Variants in DISC1 observed in about 807,000 individuals in gnomAD.
DISC1 encodes DISC1 scaffold protein.
Under a neutral mutation model 84.5 loss-of-function variants are expected in DISC1, and 57 were observed. That is an observed-to-expected ratio of 0.67 (90% CI 0.55 to 0.84). The LOEUF is 0.84. Ranked by LOEUF, DISC1 falls within the 40% of genes least tolerant of loss-of-function variation. The pLI is 0.00. For synonymous variants in DISC1, 411 were observed against 415.2 expected (o/e 0.99, Z 0.12); for missense variants, 1,000 against 1,057.8 (o/e 0.95, Z 0.76).
At chr1:231,850,490 G>A (rs2083815082) in intron 9 of DISC1, among the ~76,000 whole-genome samples, 1 of 152,228 alleles carries the variant, frequency 6.6e-6, no homozygotes, top group Non-Finnish European at 1.5e-5. Flanking sequence ...CCCGAGTTGT[G>A]CGGAGCACAA....
chr1:231,684,968 A>G (rs2064082928), intron 1 of DISC1: 3 of 152,250 alleles, frequency 2.0e-5, no homozygotes, highest in Admixed American at 6.5e-5. Flanking sequence ...AAATGCCCCA[A>G]CAGGGTAGAG....
chr1:231,957,331 C>G (rs1572340650), intron 9 of DISC1, among the ~76,000 whole-genome samples: 1 of 152,298 alleles, frequency 6.6e-6, no homozygotes, highest in East Asian at 1.9e-4. Flanking sequence ...CCCAGTGATG[C>G]CTTCCCTGAC....
At chr1:231,635,071 C>T (rs2125120654) in intron 1 of DISC1, among the ~76,000 whole-genome samples, 1 of 152,184 alleles carries the variant, frequency 6.6e-6, no homozygotes, top group Admixed American at 6.5e-5. Flanking sequence ...GGTGTTCCAG[C>T]CCTTCCTGTG....
At chr1:231,879,184 G>A (rs951744975) in intron 9 of DISC1, among the ~76,000 whole-genome samples, 2 of 151,568 alleles carry the variant, frequency 1.3e-5, no homozygotes, top group African/African-American at 4.9e-5. Context: ...GCTCCAATTA[G>A]CATTTCCTTT....
chr1:231,935,696 A>C (rs1353248871), intron 9 of DISC1, among the ~76,000 whole-genome samples: 1 of 152,188 alleles, frequency 6.6e-6, no homozygotes, highest in East Asian at 1.9e-4. Context: ...CACATTTACA[A>C]TTGCCCTTGA....
chr1:232,012,636 A>C (rs1015659075), intron 11 of DISC1, among the ~76,000 whole-genome samples: 2 of 152,218 alleles, frequency 1.3e-5, no homozygotes, highest in Non-Finnish European at 2.9e-5. Flanking sequence ...CTTCCATGAA[A>C]AATTACTGAC....
At chr1:231,725,701 C>A (rs1279878394) in intron 3 of DISC1, among the ~76,000 whole-genome samples, 1 of 152,238 alleles carries the variant, frequency 6.6e-6, no homozygotes, top group Non-Finnish European at 1.5e-5. Flanking sequence ...AAGAACCTTC[C>A]TGGGATAAGC....
chr1:231,950,631 AT>A (rs1248593108), intron 9 of DISC1, among the ~76,000 whole-genome samples: 3 of 152,198 alleles, frequency 2.0e-5, no homozygotes, highest in African/African-American at 7.2e-5. Flanking sequence ...GTGCGGATTT[AT>A]TAGACTGTGT....
At chr1:231,882,581 T>G (rs1231981786) in intron 9 of DISC1, among the ~76,000 whole-genome samples, 1 of 152,200 alleles carries the variant, frequency 6.6e-6, no homozygotes, top group Non-Finnish European at 1.5e-5. Context: ...TGAAACATAA[T>G]GTGTATCATG....
chr1:231,927,828 G>A (rs1334067550), intron 9 of DISC1, among the ~76,000 whole-genome samples: 3 of 152,210 alleles, frequency 2.0e-5, no homozygotes, highest in Admixed American at 2.0e-4. Context: ...TTTCGGAGCA[G>A]GCTCAAGTGT....
At chr1:231,730,985 C>T (rs2071440608) in intron 3 of DISC1, among the ~76,000 whole-genome samples, 1 of 150,906 alleles carries the variant, frequency 6.6e-6, no homozygotes, top group Non-Finnish European at 1.5e-5. Flanking sequence ...TTTTAAATGG[C>T]TAAAAAAAAA....
intron 9 of DISC1, among the ~76,000 whole-genome samples, chr1:231,909,094 T>G (rs1364551182): frequency 6.6e-6 from 1 of 152,206 alleles, no homozygotes; most frequent in Non-Finnish European, 1.5e-5. Context: ...GTTTTCTAAA[T>G]ATAAAATCAT....
In DISC1 at chr1:231,927,665, A is replaced by G. The variant is rs545486439; in HGVS notation, c.1982-31163A>G. Among the ~76,000 whole-genome samples, 4 of 152,322 alleles carry G rather than the reference A, an allele frequency of 2.6e-5. No homozygotes were observed. The South Asian group carries it at 6.2e-4, about 24-fold the overall frequency. On this transcript the variant is annotated intron_variant, in intron 9 of 12. Transcript: ENST00000439617. ...AACCATGCCAAGTACTTGGAATACG[A>G]AGGAAGTCATTGATGGAGAGGACAC...
At chr1:231,935,777 GA>G (rs2090946997) in intron 9 of DISC1, among the ~76,000 whole-genome samples, 1 of 152,178 alleles carries the variant, frequency 6.6e-6, no homozygotes, top group African/African-American at 2.4e-5. Context: ...TATAAATGTG[GA>G]CGTGCACAAT....
At position 231,627,221 on chromosome 1, in the gene DISC1, C is replaced by T. The variant is rs375620370; in HGVS notation, c.67+287C>T. Among the ~76,000 whole-genome samples the T allele has an allele frequency of 9.2e-5, 14 of 152,322 alleles. 1 individual carries two copies. The highest frequency in any genetic ancestry group is 4.1e-4 in the South Asian group (2 of 4,830). ...GAAACTGTAGGAGTCTGACCCGCGCCCCCGCTGCGTGTCCAGGTGACCGGG... is the reference window on the plus strand; with the variant it reads ...GAAACTGTAGGAGTCTGACCCGCGCTCCCGCTGCGTGTCCAGGTGACCGGG... On this transcript the variant is annotated intron_variant, in intron 1 of 12. Coordinates refer to ENST00000439617, the MANE Select transcript of DISC1 (RefSeq NM_018662.3).
At chr1:231,689,483 C>T (rs1175027652) in intron 1 of DISC1, among the ~76,000 whole-genome samples, 3 of 152,018 alleles carry the variant, frequency 2.0e-5, no homozygotes, top group African/African-American at 7.2e-5. Context: ...AGGTGTGCAC[C>T]ACCACGCCAG....
intron 9 of DISC1, among the ~76,000 whole-genome samples, chr1:231,909,172 T>C (rs917700422): frequency 1.5e-4 from 23 of 149,820 alleles, no homozygotes; most frequent in African/African-American, 5.6e-4. Context: ...TTCTTTCTCC[T>C]GCCTGATTGC....
intron 3 of DISC1, among the ~76,000 whole-genome samples, chr1:231,746,992 G>A (rs2074057626): frequency 6.6e-6 from 1 of 152,142 alleles, no homozygotes; most frequent in Non-Finnish European, 1.5e-5. Flanking sequence ...GCAGTGGCAT[G>A]ATCACAGATC....
rs2083978924 is a variant in DISC1 at position 231,852,605 on chromosome 1, G to C, written c.1981+34088G>C. On this transcript the variant is annotated intron_variant, in intron 9 of 12. Transcript: ENST00000439617. ...CACCTGGTCTTAAGTCAGGGCAGGA[G>C]TGGCTAATTAATTCTCTGATTCCTC... Among the ~76,000 whole-genome samples the C allele has an allele frequency of 2.0e-5, 3 of 152,248 alleles. No homozygotes were observed. The South Asian group carries it at 6.2e-4, about 32-fold the overall frequency.
Sources: allele counts gnomAD v4.1 joint callset (sites outside exome capture counted in the v4.1 genomes callset), GRCh38; gene constraint gnomAD v4.1.1; transcripts MANE v1.5; gene names NCBI Gene and HGNC (gene_info 2026-07-23, HGNC 2026-07-21).